Variants in TENM4 observed in about 807,000 individuals in gnomAD.
The protein encoded by TENM4 is teneurin transmembrane protein 4.
In TENM4, 82 loss-of-function variants were observed where a neutral mutation model predicts 243.3. The observed-to-expected ratio is 0.34, with a 90% confidence interval of 0.28 to 0.40. The LOEUF (loss-of-function observed/expected upper bound fraction) is 0.40, where lower values mean the gene tolerates loss of function less well. TENM4 is among the 10% of genes least tolerant of loss of function. TENM4 has a pLI of 1.00. For missense variants in TENM4, 3,138 were observed against 3,673.3 expected (o/e 0.85, Z 3.77); for synonymous variants, 1,412 against 1,456.3 (o/e 0.97, Z 0.69).
chr11:79,124,599 ATG>A (rs923587898), intron 4 of TENM4, among the ~76,000 whole-genome samples: 7 of 149,722 alleles, frequency 4.7e-5, no homozygotes, highest in African/African-American at 7.4e-5. Flanking sequence ...TCATATATAT[ATG>A]TGTGTGTGTG....
chr11:78,658,559 G>A lies in TENM4; in HGVS notation c.7809C>T (p.Tyr2603=), dbSNP rs1565317466. 6.2e-7 allele frequency: 1 copy of A among 1,613,996 alleles called. No individual in the cohort carries two copies. Among genetic ancestry groups the A allele is most frequent in the Non-Finnish European group, 8.5e-7 (1 of 1,179,886 alleles). Residue 2603 remains tyrosine (Y), a synonymous_variant, in exon 34 of 34, where the codon TAC becomes TAT. Transcript: ENST00000278550. ...CAATGGTGAAGTGCAGGTTCTCTAG[G>A]TAGTGGGCATGGTTCAAGATGGCAG... is the stretch of plus-strand genomic sequence containing the variant. The part of the protein sequence containing the change: ...RVAAILNHAH[Y]LENLHFTIDG...
chr11:78,733,562 C>T (rs1855718453), intron 20 of TENM4, among the ~76,000 whole-genome samples: 1 of 152,202 alleles, frequency 6.6e-6, no homozygotes, highest in Non-Finnish European at 1.5e-5. Flanking sequence ...CTGTTTGGTG[C>T]TGGCATCTTA....
chr11:79,353,579 T>G (rs1345081025), intron 1 of TENM4, among the ~76,000 whole-genome samples: 1 of 152,188 alleles, frequency 6.6e-6, no homozygotes, highest in Non-Finnish European at 1.5e-5. Flanking sequence ...TATCATGGTT[T>G]ACAAATGAGT....
chr11:78,912,404 G>A (rs868095174), intron 6 of TENM4, among the ~76,000 whole-genome samples: 12 of 152,118 alleles, frequency 7.9e-5, no homozygotes, highest in East Asian at 1.9e-4. Flanking sequence ...ACAGCCGCAC[G>A]CCACCATGCC....
intron 1 of TENM4, among the ~76,000 whole-genome samples, chr11:79,405,044 GT>G (rs1858539175): frequency 6.6e-6 from 1 of 152,244 alleles, no homozygotes; most frequent in African/African-American, 2.4e-5. Flanking sequence ...GCCTGCGTGT[GT>G]TTATGCAACA....
intron 6 of TENM4, among the ~76,000 whole-genome samples, chr11:79,038,034 C>T (rs1040328928): frequency 1.3e-5 from 2 of 152,132 alleles, no homozygotes; most frequent in African/African-American, 4.8e-5. Context: ...GGACATTTGG[C>T]CAGACCATCC....
intron 12 of TENM4, among the ~76,000 whole-genome samples, chr11:78,841,271 A>G (rs1054975365): frequency 9.9e-5 from 15 of 152,166 alleles, no homozygotes; most frequent in Non-Finnish European, 1.9e-4. Context: ...GTATTCAACC[A>G]GCTACCTGGC....
intron 19 of TENM4, among the ~76,000 whole-genome samples, chr11:78,742,144 C>A (rs1855945390): frequency 6.6e-6 from 1 of 152,086 alleles, no homozygotes; most frequent in Non-Finnish European, 1.5e-5. Flanking sequence ...CATTATATAG[C>A]CATCTCACAT....
At chr11:79,023,545 G>T (rs1376162644) in intron 6 of TENM4, among the ~76,000 whole-genome samples, 2 of 141,238 alleles carry the variant, frequency 1.4e-5, no homozygotes, top group Non-Finnish European at 3.0e-5. Context: ...CTGGGTGACA[G>T]AGAAAGGCTC....
In TENM4 at chr11:78,879,469, C is replaced by T. The variant is rs183951383; in HGVS notation, c.1084+10316G>A. On this transcript the variant is annotated intron_variant, in intron 9 of 33. Coordinates refer to ENST00000278550, the MANE Select transcript of TENM4 (RefSeq NM_001098816.3). Reference sequence around the variant, plus strand: ...GGAGTGCCTCTGCCCGGCCGCCACACCGTCTGGGAGGTGAGGAGCGCCTCT... The same window carrying T: ...GGAGTGCCTCTGCCCGGCCGCCACATCGTCTGGGAGGTGAGGAGCGCCTCT... Among the ~76,000 whole-genome samples the T allele has an allele frequency of 8.8e-3, 492 of 55,788 alleles. 3 individuals are homozygous for T. The highest frequency in any genetic ancestry group is 0.04 in the African/African-American group (464 of 11,514). 36.6% of individuals were successfully genotyped at this position (55,788 alleles called of 152,430 possible). A position where few individuals can be genotyped will look rare whatever the true frequency, so the allele number is the denominator to read the frequency against.
chr11:79,394,728 T>C (rs1204555302), intron 1 of TENM4, among the ~76,000 whole-genome samples: 2 of 152,214 alleles, frequency 1.3e-5, no homozygotes, highest in Non-Finnish European at 2.9e-5. Context: ...GTAGTCCTGA[T>C]GGAATAGGGT....
chr11:78,825,640 A>T (rs567364421), intron 12 of TENM4, among the ~76,000 whole-genome samples: 2 of 152,228 alleles, frequency 1.3e-5, no homozygotes, highest in Non-Finnish European at 2.9e-5. Flanking sequence ...GACCAGTTCC[A>T]AAGAGGAGGG....
intron 23 of TENM4, 68 bp from the exon 24 acceptor site, chr11:78,722,985 C>G (rs1409980532): frequency 1.3e-6 from 2 of 1,582,060 alleles, no homozygotes; most frequent in Admixed American, 3.4e-5. Context: ...TGGTTGACCA[C>G]AGAGTCACCT....
intron 3 of TENM4, among the ~76,000 whole-genome samples, chr11:79,189,331 T>C (rs1487855672): frequency 1.3e-5 from 2 of 152,180 alleles, no homozygotes; most frequent in East Asian, 3.8e-4. Flanking sequence ...AGCCACCATC[T>C]CTCTGTGTTC....
At chr11:78,976,979 C>T (rs1186993891) in intron 6 of TENM4, among the ~76,000 whole-genome samples, 5 of 152,178 alleles carry the variant, frequency 3.3e-5, no homozygotes, top group African/African-American at 1.2e-4. Context: ...TATTACTTGA[C>T]ATTTAATATG....
At chr11:78,747,538 C>T (rs1856077744) in intron 19 of TENM4, among the ~76,000 whole-genome samples, 1 of 152,148 alleles carries the variant, frequency 6.6e-6, no homozygotes, top group African/African-American at 2.4e-5. Flanking sequence ...ACTCACATGG[C>T]CCCCACTGTG....
At chr11:78,965,168 C>A (rs1316238964) in intron 6 of TENM4, among the ~76,000 whole-genome samples, 1 of 152,046 alleles carries the variant, frequency 6.6e-6, no homozygotes, top group Non-Finnish European at 1.5e-5. Context: ...ACGCCCGGCC[C>A]CTCATTTGTA....
At chr11:78,872,265 T>G (rs1466843490) in intron 9 of TENM4, among the ~76,000 whole-genome samples, 1 of 152,172 alleles carries the variant, frequency 6.6e-6, no homozygotes, top group African/African-American at 2.4e-5. Flanking sequence ...CAAATCACTA[T>G]CAACAGGGCA....
At chr11:78,860,594 T>C (rs1380301295) in intron 10 of TENM4, among the ~76,000 whole-genome samples, 1 of 152,234 alleles carries the variant, frequency 6.6e-6, no homozygotes, top group Non-Finnish European at 1.5e-5. Flanking sequence ...GGGGAATGCA[T>C]TTTTAACATC....
Sources: allele counts gnomAD v4.1 joint callset (sites outside exome capture counted in the v4.1 genomes callset), GRCh38; gene constraint gnomAD v4.1.1; transcripts MANE v1.5; gene names NCBI Gene and HGNC (gene_info 2026-07-23, HGNC 2026-07-21).